The following JAKMIP3 variants were observed in gnomAD, a reference collection of about 807,000 sequenced individuals.
JAKMIP3 encodes the protein Janus kinase and microtubule interacting protein 3, also known as janus kinase and microtubule-interacting protein 3.
In JAKMIP3, 58 loss-of-function variants were observed where a neutral mutation model predicts 118.5. The ratio of observed to expected loss-of-function variants is 0.49; its 90% confidence interval spans 0.40 to 0.61. The LOEUF (loss-of-function observed/expected upper bound fraction) is 0.61. Among genes scored for constraint, JAKMIP3 ranks in the 20% least tolerant of loss-of-function variants. The probability of loss-of-function intolerance (pLI) is 0.00; values close to 1 mark genes in which losing one functional copy is unlikely to be tolerated. For synonymous variants in JAKMIP3, 486 were observed against 451.2 expected, an observed-to-expected ratio of 1.08 and a Z score of -0.98; for missense variants, 950 against 1,109.0, an observed-to-expected ratio of 0.86 and a Z score of 2.04.
At chr10:132,095,698 C>T (rs1169668340) in intron 1 of JAKMIP3, among the ~76,000 whole-genome samples, 3 of 152,250 alleles carry the variant, frequency 2.0e-5, no homozygotes, top group Non-Finnish European at 4.4e-5. Context: ...TTTTCTCCAT[C>T]TGAGTGGGAA....
In JAKMIP3 at chr10:132,163,197, C is replaced by A; in HGVS notation, c.2221-12C>A. On this transcript the variant is annotated splice_polypyrimidine_tract_variant and intron_variant, in intron 19 of 23. Coordinates refer to ENST00000684848, the MANE Select transcript of JAKMIP3 (RefSeq NM_001323087.2). ...GAAGGCAAGGACTAAGGCGTCTCCC[C>A]TTCCGCCCCAGCACATCCTGGAGCT... The A allele has an allele frequency of 6.4e-7, 1 of 1,550,850 alleles. No individual in the cohort carries two copies. The highest frequency in any genetic ancestry group is 1.2e-5 in the South Asian group (1 of 84,090).
rs370635561 is a variant in JAKMIP3 at position 132,145,098 on chromosome 10, G to A, written c.1603-9G>A. 101 of 1,610,588 alleles carry A rather than the reference G, an allele frequency of 6.3e-5. No individual in the cohort carries two copies. Among genetic ancestry groups the A allele is most frequent in the African/African-American group, 6.1e-4 (46 of 74,862 alleles). On this transcript the variant is annotated splice_polypyrimidine_tract_variant and intron_variant, in intron 11 of 23. Coordinates refer to ENST00000684848, the MANE Select transcript of JAKMIP3 (RefSeq NM_001323087.2). ...GAAAATTTGATGTATCTTTCCTCCC[G>A]TCCTACAGACCCGTGAGCAGCTACA...
intron 2 of JAKMIP3, among the ~76,000 whole-genome samples, chr10:132,111,319 T>C (rs7897094): frequency 0.54 from 81,377 of 151,824 alleles, 22,393 homozygotes; most frequent in East Asian, 0.77. Context: ...GTGCTGGGGT[T>C]ACTGCTGAGG....
At chr10:132,104,534 C>T (rs1408840035) in intron 1 of JAKMIP3, 138 bp from the exon 2 acceptor site, 5 of 448,714 alleles carry the variant, frequency 1.1e-5, no homozygotes, top group African/African-American at 9.8e-5. Context: ...GGTTCCCTGG[C>T]CTGCGTCGTC....
chr10:132,165,359 C>T (rs1193117570), intron 21 of JAKMIP3, among the ~76,000 whole-genome samples: 7 of 152,174 alleles, frequency 4.6e-5, no homozygotes, highest in Admixed American at 1.3e-4. Context: ...TTCAGGGCAG[C>T]GCTTGTTCTC....
chr10:132,040,632 G>A (rs909108325), intron 1 of JAKMIP3, among the ~76,000 whole-genome samples: 3 of 94,604 alleles, frequency 3.2e-5, no homozygotes, highest in Admixed American at 2.5e-4. Context: ...AACCACTCCC[G>A]ATGAGCTTTT....
At chr10:132,111,225 C>T (rs911529748) in intron 2 of JAKMIP3, among the ~76,000 whole-genome samples, 1 of 152,216 alleles carries the variant, frequency 6.6e-6, no homozygotes, top group Non-Finnish European at 1.5e-5. Flanking sequence ...GCAGCTGTGC[C>T]CCTGCAGACC....
intron 1 of JAKMIP3, among the ~76,000 whole-genome samples, chr10:132,038,250 C>T (rs558697565): frequency 7.2e-5 from 11 of 152,144 alleles, no homozygotes; most frequent in Admixed American, 3.3e-4. Context: ...TGGTGGGTTC[C>T]GTTCAGGTGG....
intron 2 of JAKMIP3, among the ~76,000 whole-genome samples, chr10:132,108,855 T>C (rs1028448036): frequency 7.2e-6 from 1 of 138,732 alleles, no homozygotes; most frequent in East Asian, 2.1e-4. Flanking sequence ...AAAAAAATTA[T>C]ATATATGTAT....
intron 1 of JAKMIP3, among the ~76,000 whole-genome samples, chr10:132,052,444 A>G (rs1219667907): frequency 6.6e-6 from 1 of 152,200 alleles, no homozygotes. Context: ...GTTGTCTTTC[A>G]TCAATTCTAG....
In JAKMIP3 at chr10:132,131,908, C is replaced by A. The variant is rs77287520; in HGVS notation, c.634-1404C>A. Among the ~76,000 whole-genome samples the A allele has an allele frequency of 9.4e-3, 1,430 of 152,278 alleles. 26 individuals carry two copies. The highest frequency in any genetic ancestry group is 0.033 in the African/African-American group (1,354 of 41,538). The stretch of plus-strand genomic sequence containing the variant: ...GCGGCGCCTGCACAGGCATGGGAAG[C>A]CCCCGAATCCTGCCCTGCCTGCTGC... On this transcript the variant is annotated intron_variant, in intron 3 of 23. Coordinates refer to ENST00000684848, the MANE Select transcript of JAKMIP3 (RefSeq NM_001323087.2).
At chr10:132,166,143 G>A (rs754412371) in intron 21 of JAKMIP3, among the ~76,000 whole-genome samples, 2 of 152,152 alleles carry the variant, frequency 1.3e-5, no homozygotes, top group Non-Finnish European at 2.9e-5. Context: ...GGGCAACATA[G>A]TGAGACCCTG....
intron 23 of JAKMIP3, among the ~76,000 whole-genome samples, chr10:132,180,807 G>A (rs1246591373): frequency 6.6e-6 from 1 of 151,120 alleles, no homozygotes; most frequent in Non-Finnish European, 1.5e-5. Context: ...GCTGTGAGTG[G>A]TGTGTTGTGT....
rs529639329 is a variant in JAKMIP3, at chr10:132,053,195, G to C, written c.-138+16457G>C. ...GTTTCAGTCTGGAGTCCCTTGGTCT[G>C]CTGAGGTCATCTGCTGATCAGTCTC... On this transcript the variant is annotated intron_variant, in intron 1 of 23. Coordinates refer to the JAKMIP3 transcript ENST00000657785. Among the ~76,000 whole-genome samples, 8 of 152,344 alleles carry C rather than the reference G, an allele frequency of 5.3e-5. No homozygotes were observed. In the East Asian group the frequency reaches 1.4e-3, roughly 26 times the overall value.
At chr10:132,067,626 G>C (rs111450299) in intron 1 of JAKMIP3, among the ~76,000 whole-genome samples, 2,994 of 54,224 alleles carry the variant, frequency 0.055, 127 homozygotes, top group African/African-American at 0.16. Context: ...CGTGTGTACT[G>C]TGGGCTTCCG....
chr10:132,098,854 T>C (rs1045236371), intron 1 of JAKMIP3, among the ~76,000 whole-genome samples: 1 of 152,244 alleles, frequency 6.6e-6, no homozygotes, highest in Non-Finnish European at 1.5e-5. Flanking sequence ...GGTGAAGTCC[T>C]GGGTCCTCCT....
At chr10:132,042,215 CTTCT>C (rs2037784342) in intron 1 of JAKMIP3, among the ~76,000 whole-genome samples, 2 of 147,188 alleles carry the variant, frequency 1.4e-5, no homozygotes, top group African/African-American at 5.3e-5. Context: ...TCCTTCCTTC[CTTCT>C]TTCCTCCTCC....
intron 1 of JAKMIP3, among the ~76,000 whole-genome samples, chr10:132,080,722 G>A (rs1378475956): frequency 6.6e-6 from 1 of 151,560 alleles, no homozygotes; most frequent in African/African-American, 2.4e-5. Flanking sequence ...GTTTCACCAT[G>A]TTGACCGGGC....
chr10:132,133,479 T>A lies in JAKMIP3; in HGVS notation c.801T>A (p.Leu267=). ...ACCCGGGCAGCCCCAGACGGGAACT[T>A]CCTCATGCAGCTGGTGCAGGAGACG... The part of the protein sequence containing the change: ...DRHPGSPRRE[L]PHAAGAGDAS... The change falls in exon 4 of 24, where the codon CTT becomes CTA. Residue 267 remains leucine, a synonymous_variant. Transcript: ENST00000684848. 6.3e-7 allele frequency: 1 copy of A among 1,582,144 alleles called. No homozygotes were observed.
Sources: allele counts gnomAD v4.1 joint callset (sites outside exome capture counted in the v4.1 genomes callset), GRCh38; gene constraint gnomAD v4.1.1; transcripts MANE v1.5; gene names NCBI Gene and HGNC (gene_info 2026-07-23, HGNC 2026-07-21).